The following AMOTL1 variants were observed in gnomAD, a reference collection of about 807,000 sequenced individuals.
AMOTL1 encodes the protein angiomotin-like protein 1.
A neutral mutation model predicts 102.9 loss-of-function variants in AMOTL1; 45 were observed. The ratio of observed to expected loss-of-function variants is 0.44; its 90% CI spans 0.34 to 0.56. The LOEUF (loss-of-function observed/expected upper bound fraction) is 0.56, where lower values mean the gene tolerates loss of function less well. Among genes scored for constraint, AMOTL1 ranks in the 20% least tolerant of loss-of-function variants. The pLI is 0.01. For synonymous variants in AMOTL1, 481 were observed against 484.7 expected, an observed-to-expected ratio of 0.99 and a Z score of 0.10; for missense variants, 1,114 against 1,225.6, an observed-to-expected ratio of 0.91 and a Z score of 1.36.
At chr11:94,739,481 A>G (rs1469712176) in intron 2 of AMOTL1, among the ~76,000 whole-genome samples, 1 of 152,160 alleles carries the variant, frequency 6.6e-6, no homozygotes, top group Non-Finnish European at 1.5e-5. Flanking sequence ...TCTGTCCTTC[A>G]TGGTGATTTG....
intron 6 of AMOTL1, among the ~76,000 whole-genome samples, chr11:94,844,168 C>T (rs1952361236): frequency 6.6e-6 from 1 of 152,214 alleles, no homozygotes; most frequent in Non-Finnish European, 1.5e-5. Flanking sequence ...CCTCTTCCCA[C>T]ATCCAAGAAC....
At chr11:94,745,780 C>A (rs1565336939) in intron 3 of AMOTL1, among the ~76,000 whole-genome samples, 4 of 152,138 alleles carry the variant, frequency 2.6e-5, no homozygotes, top group Non-Finnish European at 1.5e-5. Flanking sequence ...TCATTTAAAA[C>A]ATACTTATTT....
intron 1 of AMOTL1, chr11:94,728,855 T>C: frequency 1.4e-6 from 1 of 718,124 alleles, no homozygotes; most frequent in South Asian, 1.8e-5. Flanking sequence ...TCAAGAAAGC[T>C]TCTCTTCACA....
intron 8 of AMOTL1, among the ~76,000 whole-genome samples, chr11:94,856,004 A>G (rs1030923830): frequency 6.6e-6 from 1 of 152,188 alleles, no homozygotes; most frequent in African/African-American, 2.4e-5. Context: ...AGAGGAGGAG[A>G]CAGTCTCTAA....
intron 1 of AMOTL1, among the ~76,000 whole-genome samples, 159 bp downstream of exon 1, chr11:94,768,719 C>G (rs933653518): frequency 6.6e-6 from 1 of 152,004 alleles, no homozygotes; most frequent in Non-Finnish European, 1.5e-5. Flanking sequence ...TAAGCGGGTT[C>G]CCTTGCCCCG....
intron 7 of AMOTL1, among the ~76,000 whole-genome samples, chr11:94,853,182 T>C (rs1399049031): frequency 6.6e-6 from 1 of 152,210 alleles, no homozygotes; most frequent in Non-Finnish European, 1.5e-5. Flanking sequence ...GTGCAGAACG[T>C]GTAGATTTGT....
chr11:94,741,607 A>T (rs946982300), intron 3 of AMOTL1, among the ~76,000 whole-genome samples: 1 of 151,918 alleles, frequency 6.6e-6, no homozygotes, highest in African/African-American at 2.4e-5. Flanking sequence ...GAACCGGGAC[A>T]CTCTTGTCAA....
At chr11:94,842,734 T>A (rs117407021) in intron 6 of AMOTL1, among the ~76,000 whole-genome samples, 3,190 of 152,288 alleles carry the variant, frequency 0.021, 62 homozygotes, top group Middle Eastern at 0.054. Flanking sequence ...AAGCATAATA[T>A]GTAAAATGAA....
intron 8 of AMOTL1, 61 bp downstream of exon 8, chr11:94,854,143 A>T (rs1241045881): frequency 6.9e-6 from 10 of 1,458,992 alleles, no homozygotes; most frequent in East Asian, 5.0e-5. Flanking sequence ...AAACGTATGG[A>T]TGTTCTACCA....
intron 1 of AMOTL1, among the ~76,000 whole-genome samples, chr11:94,780,629 T>A (rs796833395): frequency 1.8e-4 from 27 of 152,354 alleles, no homozygotes; most frequent in African/African-American, 6.3e-4. Flanking sequence ...ATTCCTGTTA[T>A]CTTTTCCTGT....
intron 6 of AMOTL1, among the ~76,000 whole-genome samples, chr11:94,835,063 G>C (rs1952149337): frequency 6.6e-6 from 1 of 152,226 alleles, no homozygotes. Flanking sequence ...GTGCTTAGGA[G>C]CTTGATGCCC....
At chr11:94,709,840 GT>G in intron 1 of AMOTL1, among the ~76,000 whole-genome samples, 1 of 152,214 alleles carries the variant, frequency 6.6e-6, no homozygotes, top group East Asian at 1.9e-4. Flanking sequence ...TAGTAACCTT[GT>G]TTACTCTGAA....
intron 1 of AMOTL1, among the ~76,000 whole-genome samples, chr11:94,713,704 A>G (rs539331104): frequency 2.0e-5 from 3 of 152,098 alleles, no homozygotes; most frequent in African/African-American, 7.2e-5. Flanking sequence ...GAGAAATGCA[A>G]TTAATTTTTA....
chr11:94,855,300 A>G (rs878874), intron 8 of AMOTL1, among the ~76,000 whole-genome samples: 25,305 of 152,208 alleles, frequency 0.17, 2,920 homozygotes, highest in Admixed American at 0.36. Flanking sequence ...GAGATTGCCC[A>G]GAAAAGTAAG....
At chr11:94,794,369 A>C (rs962040429) in intron 1 of AMOTL1, among the ~76,000 whole-genome samples, 1 of 152,144 alleles carries the variant, frequency 6.6e-6, no homozygotes, top group African/African-American at 2.4e-5. Flanking sequence ...GACTGAACAC[A>C]GTGTCACATT....
Position 94,844,539 on chromosome 11 carries a change from A to G in AMOTL1, c.1649-5575A>G, listed in dbSNP as rs369492207. Among the ~76,000 whole-genome samples, 195 of 152,374 alleles carry G rather than the reference A, an allele frequency of 1.3e-3. 5 individuals are homozygous for G. In the South Asian group the frequency reaches 0.038, roughly 30 times the overall value. On this transcript the variant is annotated intron_variant, in intron 6 of 12. Coordinates refer to ENST00000433060, the MANE Select transcript of AMOTL1 (RefSeq NM_130847.3). ...TCGGGAGGCTGGGAAGTCCAAGAGC[A>G]TGGTGCTGGCACCTAGTGAGGGCCT...
chr11:94,783,601 T>G (rs1173388071), intron 1 of AMOTL1, among the ~76,000 whole-genome samples: 3 of 152,172 alleles, frequency 2.0e-5, no homozygotes, highest in Non-Finnish European at 4.4e-5. Context: ...GAAGTAGGTA[T>G]AGCCCCAAGC....
chr11:94,829,903 A>G (rs1193943141), intron 4 of AMOTL1, 147 bp from the exon 5 acceptor site: 1 of 739,950 alleles, frequency 1.4e-6, no homozygotes, highest in South Asian at 2.1e-5. Flanking sequence ...GAAATCGATT[A>G]TACAGTTTGG....
At chr11:94,835,001 G>A (rs1952147539) in intron 6 of AMOTL1, among the ~76,000 whole-genome samples, 1 of 152,128 alleles carries the variant, frequency 6.6e-6, no homozygotes, top group African/African-American at 2.4e-5. Flanking sequence ...CAGGCTCATT[G>A]TACTCCCCCA....
Sources: allele counts gnomAD v4.1 joint callset (sites outside exome capture counted in the v4.1 genomes callset), GRCh38; gene constraint gnomAD v4.1.1; transcripts MANE v1.5; gene names NCBI Gene and HGNC (gene_info 2026-07-23, HGNC 2026-07-21).